Variants in ATP1B1 observed in about 807,000 individuals in gnomAD.
ATP1B1 encodes the protein sodium/potassium-transporting ATPase subunit beta-1.
In ATP1B1, 3 loss-of-function variants were observed where a neutral mutation model predicts 39.6. That is an observed-to-expected ratio of 0.08 (90% confidence interval 0.03 to 0.20). ATP1B1 has a LOEUF of 0.20. Among genes scored for constraint, ATP1B1 ranks in the 10% least tolerant of loss-of-function variants. The probability of loss-of-function intolerance (pLI) is 1.00; values close to 1 mark genes in which losing one functional copy is unlikely to be tolerated. For missense variants in ATP1B1, 216 were observed against 371.1 expected, an observed-to-expected ratio of 0.58 and a Z score of 3.43; for synonymous variants, 139 against 135.0, an observed-to-expected ratio of 1.03 and a Z score of -0.20.
At chr1:169,125,142 TAATG>T in intron 3 of ATP1B1, 103 bp downstream of exon 3, 3 of 1,396,748 alleles carry the variant, frequency 2.1e-6, no homozygotes, top group Non-Finnish European at 2.9e-6. Context: ...AATCCTGAAA[TAATG>T]AAAGATTGAA....
chr1:169,120,036 A>G (rs879266391), intron 2 of ATP1B1, among the ~76,000 whole-genome samples: 1 of 152,068 alleles, frequency 6.6e-6, no homozygotes, highest in Non-Finnish European at 1.5e-5. Flanking sequence ...TGTCCTAATT[A>G]AGACTATCCA....
chr1:169,118,275 T>G (rs1190004498), intron 2 of ATP1B1, among the ~76,000 whole-genome samples: 1 of 152,204 alleles, frequency 6.6e-6, no homozygotes, highest in East Asian at 1.9e-4. Flanking sequence ...AATGATTTCT[T>G]TACCCTGAGT....
At position 169,117,335 on chromosome 1, in the gene ATP1B1, A is replaced by C. The variant is rs183383108; in HGVS notation, c.226+5837A>C. Among the ~76,000 whole-genome samples, 456 of 152,086 alleles carry C rather than the reference A, an allele frequency of 3.0e-3. 3 individuals are homozygous for C. Among genetic ancestry groups the C allele is most frequent in the African/African-American group, 0.01 (430 of 41,464 alleles). ...ACTTGGTAAAGGGTTTGTGGGGGGA[A>C]CTCTGTTTGGCTTCAACAACTCAAC... On this transcript the variant is annotated intron_variant, in intron 2 of 5. Transcript: ENST00000367815.
intron 2 of ATP1B1, 74 bp downstream of exon 2, chr1:169,111,572 C>A: frequency 6.4e-7 from 1 of 1,556,598 alleles, no homozygotes; most frequent in Admixed American, 2.0e-5. Context: ...AGAAAAAATT[C>A]TTTGGAAAAT....
intron 1 of ATP1B1, chr1:169,110,586 T>TTTTTTTTTTA: frequency 2.2e-6 from 2 of 898,572 alleles, no homozygotes; most frequent in South Asian, 2.0e-5. Context: ...TTTTTTTTTT[T>TTTTTTTTTTA]GCTTTTGCAG....
chr1:169,120,176 T>G (rs1657944045), intron 2 of ATP1B1, among the ~76,000 whole-genome samples: 1 of 151,970 alleles, frequency 6.6e-6, no homozygotes, highest in South Asian at 2.1e-4. Flanking sequence ...TGTGGAAATG[T>G]GAGGAAAGAG....
chr1:169,120,950 C>CT (rs5778600), intron 2 of ATP1B1, among the ~76,000 whole-genome samples: 49,685 of 134,764 alleles, frequency 0.37, 9,817 homozygotes, highest in East Asian at 0.64. Context: ...CTTTTCTTTT[C>CT]TTTTTTTTTT....
At chr1:169,106,992 G>C in intron 1 of ATP1B1, 66 bp downstream of exon 1, 2 of 1,456,862 alleles carry the variant, frequency 1.4e-6, no homozygotes, top group South Asian at 2.5e-5. Flanking sequence ...CATCCCCTGC[G>C]CAGGGTCCGC....
rs1195668806 is a variant in ATP1B1 at position 169,131,747 on chromosome 1, T to G, written c.*192T>G. ...GTAGCAATAGCAACAAAATATTTAT[T>G]CTACTGTAAATGACAAAAGAAAAAG... On this transcript the variant is annotated 3_prime_UTR_variant, in exon 6 of 6. Coordinates refer to ENST00000367815, the MANE Select transcript of ATP1B1 (RefSeq NM_001677.4). The surrounding 1 kb of genome is among the most constrained non-coding windows in gnomAD (Gnocchi z 4.4). The G allele has an allele frequency of 7.1e-6, 5 of 703,050 alleles. No individual in the cohort carries two copies. Among genetic ancestry groups the G allele is most frequent in the Non-Finnish European group, 1.1e-5 (5 of 454,136 alleles). The allele number at this position is 703,050 out of a possible 1,614,324, so 43.6% of individuals were successfully genotyped here.
intron 2 of ATP1B1, among the ~76,000 whole-genome samples, chr1:169,114,893 TA>T (rs931628997): frequency 4.1e-4 from 61 of 149,814 alleles, no homozygotes; most frequent in East Asian, 1.4e-3. Flanking sequence ...AGTCTCCTGT[TA>T]AAAAAAAAGG....
chr1:169,111,114 AT>A (rs753599836), intron 1 of ATP1B1, among the ~76,000 whole-genome samples: 1 of 152,176 alleles, frequency 6.6e-6, no homozygotes, highest in African/African-American at 2.4e-5. Context: ...GAATAAAAAA[AT>A]ATAAGGATCC....
intron 5 of ATP1B1, 123 bp downstream of exon 5, chr1:169,130,213 A>G (rs1658177241): frequency 2.4e-6 from 2 of 833,026 alleles, no homozygotes; most frequent in African/African-American, 3.4e-5. Context: ...CATTGCTTTC[A>G]AGTATAAGTC....
At chr1:169,117,419 T>C (rs1182162419) in intron 2 of ATP1B1, among the ~76,000 whole-genome samples, 1 of 152,202 alleles carries the variant, frequency 6.6e-6, no homozygotes, top group East Asian at 1.9e-4. Flanking sequence ...AAGTCATCTC[T>C]TGGGTACACA....
In ATP1B1 at chr1:169,127,459, A is replaced by G. The variant is rs548182308; in HGVS notation, c.567+51A>G. The G allele has an allele frequency of 1.0e-5, 16 of 1,537,358 alleles. No individual in the cohort carries two copies. In the South Asian group the frequency reaches 1.7e-4, roughly 16 times the overall value. ...TTTAGATGAGTCATTTACACTAAGTACTTAATTGATCTGAGAAGACAATGT... is the reference window on the plus strand; with the variant it reads ...TTTAGATGAGTCATTTACACTAAGTGCTTAATTGATCTGAGAAGACAATGT... On this transcript the variant is annotated intron_variant, in intron 4 of 5. Transcript: ENST00000367815.
intron 1 of ATP1B1, chr1:169,110,584 T>TTG: frequency 5.8e-6 from 6 of 1,034,524 alleles, no homozygotes; most frequent in South Asian, 3.3e-5. Flanking sequence ...TTTTTTTTTT[T>TTG]TTGCTTTTGC....
chr1:169,110,072 A>G lies in ATP1B1; in HGVS notation c.98-1298A>G, dbSNP rs573101916. ...TTTCCTTGTTATTTGCTTTTGATAGAGGAGAAAAAGGATTATGATTAAGCA... is the reference window on the plus strand; with the variant it reads ...TTTCCTTGTTATTTGCTTTTGATAGGGGAGAAAAAGGATTATGATTAAGCA... On this transcript the variant is annotated intron_variant, in intron 1 of 5. Transcript: ENST00000367815. Among the ~76,000 whole-genome samples the G allele has an allele frequency of 4.6e-4, 70 of 151,992 alleles. 2 individuals carry two copies. In the South Asian group the frequency reaches 0.014, roughly 31 times the overall value.
At chr1:169,111,012 C>G (rs935001289) in intron 1 of ATP1B1, among the ~76,000 whole-genome samples, 1 of 152,154 alleles carries the variant, frequency 6.6e-6, no homozygotes, top group Non-Finnish European at 1.5e-5. Flanking sequence ...GCATAAGCAT[C>G]CAAACATAGC....
At chr1:169,128,991 C>CA (rs1303704336) in intron 4 of ATP1B1, among the ~76,000 whole-genome samples, 2 of 152,156 alleles carry the variant, frequency 1.3e-5, no homozygotes, top group Non-Finnish European at 2.9e-5. Context: ...TGTCAGAGAT[C>CA]AGAGTATCCC....
At chr1:169,113,941 C>A (rs926945966) in intron 2 of ATP1B1, among the ~76,000 whole-genome samples, 7 of 152,218 alleles carry the variant, frequency 4.6e-5, no homozygotes, top group African/African-American at 1.7e-4. Context: ...GGCCCCTCCT[C>A]TTCACCTGCC....
Sources: allele counts gnomAD v4.1 joint callset (sites outside exome capture counted in the v4.1 genomes callset), GRCh38; gene constraint gnomAD v4.1.1; non-coding constraint Gnocchi (gnomAD v3.1); transcripts MANE v1.5; gene names NCBI Gene and HGNC (gene_info 2026-07-23, HGNC 2026-07-21).